The following CAB39L variants were observed in gnomAD, a reference collection of about 807,000 sequenced individuals.
CAB39L encodes the protein calcium-binding protein 39-like.
Under a neutral mutation model 39.1 loss-of-function variants are expected in CAB39L, and 23 were observed. The ratio of observed to expected loss-of-function variants is 0.59; its 90% confidence interval spans 0.42 to 0.83. The LOEUF (loss-of-function observed/expected upper bound fraction) is 0.83, where lower values mean the gene tolerates loss of function less well. CAB39L is among the 40% of genes least tolerant of loss of function. The pLI, the probability that CAB39L is intolerant of heterozygous loss-of-function variation, is 0.00. For synonymous variants in CAB39L, 126 were observed against 137.2 expected, an observed-to-expected ratio of 0.92 and a Z score of 0.57; for missense variants, 366 against 391.9, an observed-to-expected ratio of 0.93 and a Z score of 0.56.
chr13:49,365,944 C>G (rs1044554791), intron 5 of CAB39L, among the ~76,000 whole-genome samples: 1 of 152,020 alleles, frequency 6.6e-6, no homozygotes, highest in African/African-American at 2.4e-5. Flanking sequence ...AATGTGGTAC[C>G]CTATACACAA....
rs1478420164 is a variant in CAB39L at position 49,392,641 on chromosome 13, C to CA, written c.-31-9701dup. 1.2e-4 allele frequency among the ~76,000 whole-genome samples: 18 copies of CA among 149,908 alleles called. No individual in the cohort carries two copies. In the South Asian group the frequency reaches 2.3e-3, roughly 19 times the overall value. On this transcript the variant is annotated intron_variant, in intron 3 of 10. Transcript: ENST00000409308. ...TGGGCGACAGAGCAAGACTCTGTCT[C>CA]AAAAAAAACAAAAACAAAACAAAAC...
chr13:49,388,205 C>T (rs1249038714), intron 3 of CAB39L, among the ~76,000 whole-genome samples: 1 of 152,038 alleles, frequency 6.6e-6, no homozygotes, highest in Non-Finnish European at 1.5e-5. Context: ...GGTGTTACAA[C>T]AATGGAGGGG....
chr13:49,347,287 T>C (rs1019395725), intron 7 of CAB39L, among the ~76,000 whole-genome samples: 6 of 152,226 alleles, frequency 3.9e-5, no homozygotes, highest in Non-Finnish European at 7.3e-5. Flanking sequence ...CATTTATTTT[T>C]GTCATTCAAT....
chr13:49,368,383 A>G (rs1191355450), intron 5 of CAB39L, among the ~76,000 whole-genome samples: 1 of 152,242 alleles, frequency 6.6e-6, no homozygotes, highest in Non-Finnish European at 1.5e-5. Context: ...AAACAGGTAC[A>G]AGCTGGTGAA....
intron 9 of CAB39L, among the ~76,000 whole-genome samples, chr13:49,335,946 A>T (rs1236639643): frequency 6.6e-6 from 1 of 152,198 alleles, no homozygotes. Flanking sequence ...CAAAGTTGCT[A>T]TATAATAATC....
chr13:49,342,102 C>T (rs927642334), intron 8 of CAB39L, among the ~76,000 whole-genome samples: 31 of 152,218 alleles, frequency 2.0e-4, no homozygotes, highest in African/African-American at 7.0e-4. Context: ...TGAAGATATA[C>T]TATTGATAGG....
chr13:49,435,142 TAGAG>T (rs1020660578), intron 1 of CAB39L, among the ~76,000 whole-genome samples: 1 of 152,248 alleles, frequency 6.6e-6, no homozygotes, highest in Admixed American at 6.5e-5. Flanking sequence ...TATTGGTATA[TAGAG>T]ACTTTCTCCC....
intron 3 of CAB39L, among the ~76,000 whole-genome samples, chr13:49,404,733 T>G (rs1385412311): frequency 6.6e-6 from 1 of 152,050 alleles, no homozygotes; most frequent in East Asian, 1.9e-4. Flanking sequence ...ACAAAGAGAC[T>G]GAAATAATTA....
rs1023625047 is a variant in CAB39L, at chr13:49,313,414, A to G, written c.835-2421T>C. ...GAGAATGGCGTGAACCCAGGAGGCG[A>G]AGCTTGCAGTGAGCTGAGATCGCGC... On this transcript the variant is annotated intron_variant, in intron 10 of 10. Coordinates refer to ENST00000409308, the MANE Select transcript of CAB39L (RefSeq NM_001079670.3). Among the ~76,000 whole-genome samples the G allele has an allele frequency of 9.9e-5, 15 of 151,848 alleles. No homozygotes were observed. The East Asian group carries it at 1.9e-3, about 20-fold the overall frequency.
At chr13:49,434,802 A>C (rs1178442023) in intron 1 of CAB39L, among the ~76,000 whole-genome samples, 2 of 152,188 alleles carry the variant, frequency 1.3e-5, no homozygotes, top group African/African-American at 4.8e-5. Context: ...CCCACCAAGA[A>C]AGTACATTTC....
chr13:49,323,163 G>A (rs565094357), intron 10 of CAB39L, among the ~76,000 whole-genome samples: 4 of 152,216 alleles, frequency 2.6e-5, no homozygotes, highest in Admixed American at 2.0e-4. Flanking sequence ...GATCCTTAAG[G>A]AGAAGTCATT....
In CAB39L at chr13:49,321,504, G is replaced by A. The variant is rs573371041; in HGVS notation, c.834+10443C>T. Among the ~76,000 whole-genome samples, 3 of 152,314 alleles carry A rather than the reference G, an allele frequency of 2.0e-5. No homozygotes were observed. In the South Asian group the frequency reaches 6.2e-4, roughly 32 times the overall value. On this transcript the variant is annotated intron_variant, in intron 10 of 10. Transcript: ENST00000409308. ...TTTTCCCCAATCTCCAGGTGAAGCT[G>A]AGAGAAGTTAAAGCAGCATCCCTGA...
chr13:49,430,920 T>G (rs1001187288), intron 3 of CAB39L, among the ~76,000 whole-genome samples: 2 of 152,246 alleles, frequency 1.3e-5, no homozygotes, highest in Non-Finnish European at 2.9e-5. Context: ...AAATAGAAAC[T>G]CAATCTGCAA....
chr13:49,398,301 G>A (rs546265904), intron 3 of CAB39L, among the ~76,000 whole-genome samples: 1 of 152,176 alleles, frequency 6.6e-6, no homozygotes, highest in South Asian at 2.1e-4. Context: ...ATTAATTAGT[G>A]AAATACCAAC....
chr13:49,427,683 T>C (rs1957264308), intron 3 of CAB39L, among the ~76,000 whole-genome samples: 2 of 152,070 alleles, frequency 1.3e-5, no homozygotes, highest in South Asian at 4.1e-4. Context: ...AGCAAGACCC[T>C]AGCTCAAAAA....
At chr13:49,438,418 T>G (rs935816791) in intron 1 of CAB39L, among the ~76,000 whole-genome samples, 3 of 152,216 alleles carry the variant, frequency 2.0e-5, no homozygotes, top group Admixed American at 6.5e-5. Context: ...CACCTGACCT[T>G]ATGTTGAAGA....
chr13:49,394,957 T>C (rs1470448475), intron 3 of CAB39L, among the ~76,000 whole-genome samples: 1 of 152,170 alleles, frequency 6.6e-6, no homozygotes, highest in Admixed American at 6.5e-5. Flanking sequence ...ACTACAACTA[T>C]GTAAAGCAAA....
chr13:49,331,854 A>G (rs1269056689), intron 10 of CAB39L, 93 bp downstream of exon 10: 9 of 1,155,046 alleles, frequency 7.8e-6, no homozygotes, highest in Non-Finnish European at 1.1e-5. Flanking sequence ...ATTTTCTTTC[A>G]AGTATGAAGG....
At chr13:49,394,131 C>G (rs571271395) in intron 3 of CAB39L, among the ~76,000 whole-genome samples, 2 of 151,742 alleles carry the variant, frequency 1.3e-5, no homozygotes, top group South Asian at 4.2e-4. Context: ...AAATTATAGG[C>G]AAACAACAAA....
Sources: allele counts gnomAD v4.1 joint callset (sites outside exome capture counted in the v4.1 genomes callset), GRCh38; gene constraint gnomAD v4.1.1; transcripts MANE v1.5; gene names NCBI Gene and HGNC (gene_info 2026-07-23, HGNC 2026-07-21).